Variants in NEGR1 observed in about 807,000 individuals in gnomAD.
NEGR1 encodes IgLON family member 4.
Under a neutral mutation model 40.9 loss-of-function variants are expected in NEGR1, and 10 were observed. That is an observed-to-expected ratio of 0.24 (90% CI 0.15 to 0.42). The LOEUF is 0.42. NEGR1 is among the 10% of genes least tolerant of loss of function. The pLI, the probability that NEGR1 is intolerant of heterozygous loss-of-function variation, is 1.00. For synonymous variants in NEGR1, 185 were observed against 166.8 expected, an observed-to-expected ratio of 1.11 and a Z score of -0.84; for missense variants, 352 against 438.9, an observed-to-expected ratio of 0.80 and a Z score of 1.77.
chr1:72,093,496 AAT>A (rs538364604), intron 1 of NEGR1, among the ~76,000 whole-genome samples: 8 of 152,188 alleles, frequency 5.3e-5, no homozygotes, highest in Non-Finnish European at 8.8e-5. Context: ...AACACTCATC[AAT>A]AGTTTCAAAT....
At chr1:71,940,924 C>T (rs1055155866) in intron 1 of NEGR1, among the ~76,000 whole-genome samples, 1 of 152,110 alleles carries the variant, frequency 6.6e-6, no homozygotes, top group Admixed American at 6.6e-5. Context: ...GCATTAGCAC[C>T]ATTACCAGTA....
chr1:71,639,520 T>C (rs1486288279), intron 4 of NEGR1, among the ~76,000 whole-genome samples: 2 of 152,058 alleles, frequency 1.3e-5, no homozygotes, highest in Non-Finnish European at 2.9e-5. Context: ...TCTTGAAGTA[T>C]AGTGGAAGAA....
intron 2 of NEGR1, among the ~76,000 whole-genome samples, chr1:71,865,399 G>A (rs922588492): frequency 1.3e-5 from 2 of 151,946 alleles, no homozygotes; most frequent in South Asian, 2.1e-4. Flanking sequence ...GGAATACTAC[G>A]CAGTCATAAA....
At chr1:71,846,235 T>C (rs1261872126) in intron 2 of NEGR1, among the ~76,000 whole-genome samples, 1 of 152,142 alleles carries the variant, frequency 6.6e-6, no homozygotes, top group Non-Finnish European at 1.5e-5. Flanking sequence ...ATTCTGCTCA[T>C]AGAGAAGTGT....
In NEGR1 at chr1:71,397,921, T is replaced by G. The variant is rs1646222507; in HGVS notation, c.*9525A>C. ...TATGTGCAGTCTAGGAACTTGGTGCTCTGCCTCCCAGTTGCTCCCAGGATG... is the reference window on the plus strand; with the variant it reads ...TATGTGCAGTCTAGGAACTTGGTGCGCTGCCTCCCAGTTGCTCCCAGGATG... On this transcript the variant is annotated 3_prime_UTR_variant, in exon 7 of 7. Transcript: ENST00000357731. 1 of 152,262 alleles carries G rather than the reference T, an allele frequency of 6.6e-6. No individual in the cohort carries two copies. Among genetic ancestry groups the G allele is most frequent in the South Asian group, 2.1e-4 (1 of 4,836 alleles). The allele number at this position is 152,262 out of a possible 1,614,324, so 9.4% of individuals were successfully genotyped here.
intron 2 of NEGR1, among the ~76,000 whole-genome samples, chr1:71,830,712 C>G (rs473019): frequency 0.049 from 7,424 of 151,994 alleles, 399 homozygotes; most frequent in African/African-American, 0.13. Flanking sequence ...GGATACTACT[C>G]GACTTTGTTC....
At chr1:71,664,710 C>T (rs1037916579) in intron 4 of NEGR1, among the ~76,000 whole-genome samples, 1 of 151,886 alleles carries the variant, frequency 6.6e-6, no homozygotes, top group African/African-American at 2.4e-5. Context: ...CCTCTCAGTG[C>T]TATTTGGCTT....
chr1:71,894,403 A>G (rs1161748243), intron 2 of NEGR1, among the ~76,000 whole-genome samples: 1 of 152,194 alleles, frequency 6.6e-6, no homozygotes, highest in Non-Finnish European at 1.5e-5. Flanking sequence ...TAAAGTGAGT[A>G]GCAATTCATA....
chr1:71,670,076 A>G (rs1052416040), intron 4 of NEGR1, among the ~76,000 whole-genome samples: 2 of 151,778 alleles, frequency 1.3e-5, no homozygotes, highest in Non-Finnish European at 1.5e-5. Flanking sequence ...CTCCGTTACC[A>G]TTTGTGATTA....
At chr1:72,157,108 A>G (rs890689029) in intron 1 of NEGR1, among the ~76,000 whole-genome samples, 2 of 152,030 alleles carry the variant, frequency 1.3e-5, no homozygotes, top group African/African-American at 4.8e-5. Context: ...GACTATAGGC[A>G]TATGCCACCT....
At chr1:71,514,176 T>A (rs1224035772) in intron 6 of NEGR1, among the ~76,000 whole-genome samples, 5 of 144,244 alleles carry the variant, frequency 3.5e-5, no homozygotes, top group Non-Finnish European at 6.1e-5. Context: ...CAGGCTTGCT[T>A]AGGTAAACAA....
chr1:71,863,271 T>C (rs1445682770), intron 2 of NEGR1, among the ~76,000 whole-genome samples: 1 of 151,970 alleles, frequency 6.6e-6, no homozygotes, highest in African/African-American at 2.4e-5. Flanking sequence ...TGCAGCCACG[T>C]AAAGGAACAA....
At chr1:71,503,678 T>G (rs909862490) in intron 6 of NEGR1, among the ~76,000 whole-genome samples, 15 of 152,122 alleles carry the variant, frequency 9.9e-5, no homozygotes, top group African/African-American at 3.4e-4. Flanking sequence ...CTCTTACAAG[T>G]ACTGGAATAA....
At chr1:71,575,404 A>G (rs377637062) in intron 6 of NEGR1, among the ~76,000 whole-genome samples, 15 of 152,318 alleles carry the variant, frequency 9.8e-5, no homozygotes, top group Admixed American at 8.5e-4. Context: ...GATTTCCTCA[A>G]TGTAGCTGCT....
At chr1:71,864,169 C>G (rs992794684) in intron 2 of NEGR1, among the ~76,000 whole-genome samples, 2 of 152,140 alleles carry the variant, frequency 1.3e-5, no homozygotes, top group Non-Finnish European at 2.9e-5. Context: ...GAGAGGTCGC[C>G]TGGGTCCACA....
intron 3 of NEGR1, among the ~76,000 whole-genome samples, chr1:71,750,926 T>C (rs1050847480): frequency 6.6e-6 from 1 of 152,168 alleles, no homozygotes; most frequent in South Asian, 2.1e-4. Flanking sequence ...AAAAATGTTA[T>C]ATATTCCATC....
intron 6 of NEGR1, among the ~76,000 whole-genome samples, chr1:71,474,565 G>A (rs979443272): frequency 2.3e-4 from 30 of 130,748 alleles, no homozygotes; most frequent in Non-Finnish European, 5.1e-5. Flanking sequence ...CACACAATTA[G>A]CCAGGCGTGG....
intron 1 of NEGR1, among the ~76,000 whole-genome samples, chr1:71,998,667 T>A (rs1375908337): frequency 6.6e-6 from 1 of 151,756 alleles, no homozygotes; most frequent in Non-Finnish European, 1.5e-5. Context: ...TTTCATTCAC[T>A]ACATTCATAC....
chr1:71,883,503 G>T (rs1660637944), intron 2 of NEGR1, among the ~76,000 whole-genome samples: 1 of 152,080 alleles, frequency 6.6e-6, no homozygotes. Context: ...AGAAGAGATA[G>T]AGTCTAATAT....
Sources: allele counts gnomAD v4.1 joint callset (sites outside exome capture counted in the v4.1 genomes callset), GRCh38; gene constraint gnomAD v4.1.1; transcripts MANE v1.5; gene names NCBI Gene and HGNC (gene_info 2026-07-23, HGNC 2026-07-21).